The following ARHGAP5 variants were observed in gnomAD, a reference collection of about 807,000 sequenced individuals.
ARHGAP5 encodes Rho GTPase activating protein 5, also known as rho GTPase-activating protein 5.
In ARHGAP5, 23 loss-of-function variants were observed where a neutral mutation model predicts 116.6. That is an observed-to-expected ratio of 0.20 (90% CI 0.14 to 0.28). The LOEUF (loss-of-function observed/expected upper bound fraction) is 0.28. Ranked by LOEUF, ARHGAP5 falls within the 10% of genes least tolerant of loss-of-function variation. ARHGAP5 has a pLI of 1.00. For synonymous variants in ARHGAP5, 574 were observed against 602.0 expected, an observed-to-expected ratio of 0.95 and a Z score of 0.68; for missense variants, 1,405 against 1,774.8, an observed-to-expected ratio of 0.79 and a Z score of 3.74.
At chr14:32,130,250 C>T (rs1332011301) in intron 3 of ARHGAP5, among the ~76,000 whole-genome samples, 1 of 136,846 alleles carries the variant, frequency 7.3e-6, no homozygotes, top group Non-Finnish European at 1.5e-5. Context: ...CTCACTGTGT[C>T]CCCCAGGCTG....
intron 2 of ARHGAP5, among the ~76,000 whole-genome samples, chr14:32,101,477 A>C (rs191539295): frequency 2.0e-5 from 3 of 152,290 alleles, no homozygotes; most frequent in Admixed American, 2.0e-4. Flanking sequence ...AAAAGTAATG[A>C]AGTATATGAA....
In ARHGAP5 at chr14:32,090,890, A is replaced by T. The variant is rs753057693; in HGVS notation, c.221A>T (p.Tyr74Phe). Reference sequence around the variant, plus strand: ...GTAGTAAACAATGATCACTTTTTGTACTGGGGTGACATAATACAAAATAGT... The same window carrying T: ...GTAGTAAACAATGATCACTTTTTGTTCTGGGGTGACATAATACAAAATAGT... ...GRVVNNDHFL[Y>F]WGDIIQNSED... Residue 74 changes from tyrosine (Y) to phenylalanine (F), a missense_variant, in exon 2 of 7, where the codon TAC (tyrosine) becomes TTC (phenylalanine). By Grantham distance (22) the Tyr-to-Phe change is conservative. Around this residue, in one of 6 missense-constraint regions of ARHGAP5, gnomAD observed 190 missense variants for 314.9 expected, o/e 0.60. Coordinates refer to ENST00000345122, the MANE Select transcript of ARHGAP5 (RefSeq NM_001030055.2). 9 of 1,613,510 alleles carry T rather than the reference A, an allele frequency of 5.6e-6. No homozygotes were observed. The Admixed American group carries it at 1.5e-4, about 27-fold the overall frequency.
chr14:32,116,150 G>A (rs2139067948), intron 2 of ARHGAP5, among the ~76,000 whole-genome samples: 1 of 151,220 alleles, frequency 6.6e-6, no homozygotes, highest in South Asian at 2.1e-4. Flanking sequence ...AGCTGGGCGT[G>A]GTGGCGGGCG....
rs140697308 is a variant in ARHGAP5 at position 32,081,589 on chromosome 14, T to A, written c.-169+4154T>A. 4.7e-4 allele frequency among the ~76,000 whole-genome samples: 71 copies of A among 151,726 alleles called. 1 individual carries two copies. In the East Asian group the frequency reaches 0.012, roughly 25 times the overall value. ...AAAAAAAAGATGTAAGAGCATCAGT[T>A]TTGTACCTTATGAGCCAGAGTGAAA... On this transcript the variant is annotated intron_variant, in intron 1 of 6. Transcript: ENST00000345122.
Position 32,092,623 on chromosome 14 carries a change from G to T in ARHGAP5, c.1954G>T (p.Ala652Ser), listed in dbSNP as rs146396734. 3.1e-6 allele frequency: 5 copies of T among 1,613,888 alleles called. No homozygotes were observed. Among genetic ancestry groups the T allele is most frequent in the African/African-American group, 1.3e-5 (1 of 75,020 alleles). ...PYFLSQLWTAAFKPHGCFCVF... is the reference protein window; with the variant it reads ...PYFLSQLWTASFKPHGCFCVF... ...CTTTTTGAGTCAGTTATGGACTGCC[G>T]CCTTTAAACCACATGGGTGCTTCTG... The change falls in exon 2 of 7, where the codon GCC becomes TCC. Residue 652 changes from alanine (A) to serine (S), a missense_variant. Ala to Ser is a moderately conservative substitution (Grantham distance 99). This residue lies in a region of ARHGAP5 where 944 missense variants were observed against 1,095.3 expected (regional missense o/e 0.86). Coordinates refer to ENST00000345122, the MANE Select transcript of ARHGAP5 (RefSeq NM_001030055.2). The surrounding 1 kb of genome is among the most constrained non-coding windows in gnomAD (Gnocchi z 4.1).
intron 1 of ARHGAP5, among the ~76,000 whole-genome samples, chr14:32,077,786 C>G (rs1456930582): frequency 6.6e-6 from 1 of 152,024 alleles, no homozygotes; most frequent in African/African-American, 2.4e-5. Context: ...GCTCGAGTCT[C>G]GGGTGGTCCG....
At chr14:32,137,735 G>A (rs1237330074) in intron 3 of ARHGAP5, among the ~76,000 whole-genome samples, 1 of 152,084 alleles carries the variant, frequency 6.6e-6, no homozygotes, top group African/African-American at 2.4e-5. Context: ...CACTCTGGGA[G>A]GCTGAGGTGG....
intron 2 of ARHGAP5, among the ~76,000 whole-genome samples, chr14:32,110,788 A>G (rs182411087): frequency 4.2e-4 from 64 of 152,300 alleles, no homozygotes; most frequent in Middle Eastern, 6.8e-3. Flanking sequence ...TGAAGATGGT[A>G]AAAAGTAAGT....
chr14:32,105,205 A>C (rs547739660), intron 2 of ARHGAP5, among the ~76,000 whole-genome samples: 1 of 152,160 alleles, frequency 6.6e-6, no homozygotes. Context: ...AGGGTTTTCC[A>C]TATAGGTCAT....
At chr14:32,151,512 G>A (rs188798582) in intron 5 of ARHGAP5, among the ~76,000 whole-genome samples, 231 of 152,332 alleles carry the variant, frequency 1.5e-3, no homozygotes, top group Non-Finnish European at 2.7e-3. Context: ...TTAGGCTATC[G>A]CCAGTTTTTG....
At chr14:32,116,294 AAAAT>A (rs1454338352) in intron 2 of ARHGAP5, among the ~76,000 whole-genome samples, 11 of 145,812 alleles carry the variant, frequency 7.5e-5, no homozygotes, top group East Asian at 4.2e-4. Context: ...CTCTCAAAAA[AAAAT>A]AAATAAATAA....
intron 3 of ARHGAP5, among the ~76,000 whole-genome samples, chr14:32,131,690 G>A (rs752169277): frequency 3.3e-5 from 5 of 152,030 alleles, no homozygotes; most frequent in Non-Finnish European, 5.9e-5. Flanking sequence ...CCCATTAACT[G>A]GTCATTTAGC....
intron 1 of ARHGAP5, among the ~76,000 whole-genome samples, chr14:32,088,747 A>G (rs187787133): frequency 8.6e-5 from 13 of 152,034 alleles, no homozygotes; most frequent in Admixed American, 3.3e-4. Flanking sequence ...AAGCCTCATC[A>G]CATTATTTTT....
intron 3 of ARHGAP5, among the ~76,000 whole-genome samples, chr14:32,123,696 G>A (rs1016018678): frequency 2.0e-5 from 3 of 152,046 alleles, no homozygotes; most frequent in Admixed American, 6.5e-5. Flanking sequence ...AGATTTGCTC[G>A]GTGCTTCTCC....
chr14:32,118,196 CT>C (rs1194548469), intron 3 of ARHGAP5, among the ~76,000 whole-genome samples: 1 of 152,144 alleles, frequency 6.6e-6, no homozygotes, highest in Admixed American at 6.6e-5. Context: ...AATGTTGACA[CT>C]TTCAGTCTTA....
intron 3 of ARHGAP5, among the ~76,000 whole-genome samples, chr14:32,142,788 T>A (rs1881186334): frequency 6.6e-6 from 1 of 152,208 alleles, no homozygotes; most frequent in South Asian, 2.1e-4. Context: ...ACCAAGATGA[T>A]TACTGGTTGT....
At chr14:32,143,491 G>A (rs759938852) in intron 3 of ARHGAP5, among the ~76,000 whole-genome samples, 6 of 152,172 alleles carry the variant, frequency 3.9e-5, no homozygotes, top group African/African-American at 1.4e-4. Context: ...TGATCCGCCC[G>A]CTTTGGCCTC....
chr14:32,079,465 G>GT (rs2041750169), intron 1 of ARHGAP5, among the ~76,000 whole-genome samples: 1 of 152,242 alleles, frequency 6.6e-6, no homozygotes, highest in East Asian at 1.9e-4. Flanking sequence ...TATCCTAAAT[G>GT]TTTTGAAAAC....
intron 1 of ARHGAP5, 27 bp downstream of exon 1, chr14:32,077,462 C>G (rs1433664435): frequency 2.9e-6 from 2 of 693,222 alleles, no homozygotes; most frequent in East Asian, 5.5e-5. Context: ...CCCGCTCCTC[C>G]AAGCCTGCCT....
Sources: allele counts gnomAD v4.1 joint callset (sites outside exome capture counted in the v4.1 genomes callset), GRCh38; gene constraint gnomAD v4.1.1; regional missense constraint gnomAD v4.1.1; non-coding constraint Gnocchi (gnomAD v3.1); transcripts MANE v1.5; gene names NCBI Gene and HGNC (gene_info 2026-07-23, HGNC 2026-07-21).